The following RNGTT variants were observed in gnomAD, a reference collection of about 807,000 sequenced individuals.
RNGTT encodes RNA guanylyltransferase and 5'-phosphatase.
In RNGTT, 33 loss-of-function variants were observed where a neutral mutation model predicts 79.3. The observed-to-expected ratio is 0.42, with a 90% CI of 0.32 to 0.56. The LOEUF (loss-of-function observed/expected upper bound fraction) is 0.56, where lower values mean the gene tolerates loss of function less well. Among genes scored for constraint, RNGTT ranks in the 20% least tolerant of loss-of-function variants. RNGTT has a pLI of 0.17. For missense variants in RNGTT, 497 were observed against 739.1 expected, an observed-to-expected ratio of 0.67 and a Z score of 3.80; for synonymous variants, 222 against 235.9, an observed-to-expected ratio of 0.94 and a Z score of 0.54.
intron 13 of RNGTT, among the ~76,000 whole-genome samples, chr6:88,708,645 C>T (rs1034384924): frequency 1.3e-5 from 2 of 152,076 alleles, no homozygotes; most frequent in African/African-American, 2.4e-5. Flanking sequence ...GCTCTCTGCC[C>T]GGCAGTGCTG....
chr6:88,941,299 G>A (rs1369322861), intron 1 of RNGTT, 119 bp from the exon 2 acceptor site: 11 of 655,436 alleles, frequency 1.7e-5, no homozygotes, highest in African/African-American at 5.5e-5. Context: ...ACCAAGTGTC[G>A]CTCTGTCCCC....
intron 12 of RNGTT, among the ~76,000 whole-genome samples, chr6:88,775,779 G>A (rs1290249059): frequency 6.6e-6 from 1 of 152,110 alleles, no homozygotes; most frequent in African/African-American, 2.4e-5. Context: ...CCACATGTAA[G>A]TGAAATCACA....
At chr6:88,932,830 C>A (rs559005415) in intron 2 of RNGTT, among the ~76,000 whole-genome samples, 1 of 152,162 alleles carries the variant, frequency 6.6e-6, no homozygotes, top group Non-Finnish European at 1.5e-5. Flanking sequence ...CTTAGAAACG[C>A]ACACCTAAAC....
At chr6:88,878,812 A>G (rs1782601108) in intron 8 of RNGTT, among the ~76,000 whole-genome samples, 1 of 152,208 alleles carries the variant, frequency 6.6e-6, no homozygotes, top group Non-Finnish European at 1.5e-5. Flanking sequence ...CAGTATACAC[A>G]ATACCTAATT....
At chr6:88,666,935 T>C (rs749400186) in intron 14 of RNGTT, among the ~76,000 whole-genome samples, 6 of 152,152 alleles carry the variant, frequency 3.9e-5, no homozygotes, top group Non-Finnish European at 8.8e-5. Flanking sequence ...TGGGGCATTA[T>C]ACAAAGAAAA....
intron 11 of RNGTT, among the ~76,000 whole-genome samples, chr6:88,833,499 C>A (rs193219217): frequency 2.0e-5 from 3 of 152,240 alleles, no homozygotes; most frequent in Admixed American, 2.0e-4. Context: ...TGCAACAAAC[C>A]ACCATGGCAC....
intron 11 of RNGTT, among the ~76,000 whole-genome samples, chr6:88,842,361 A>T (rs1781321956): frequency 6.6e-6 from 1 of 152,168 alleles, no homozygotes; most frequent in Non-Finnish European, 1.5e-5. Context: ...GCTTTTAAAC[A>T]CTAGATCTGG....
At chr6:88,644,621 G>A (rs533453921) in intron 14 of RNGTT, among the ~76,000 whole-genome samples, 5 of 152,134 alleles carry the variant, frequency 3.3e-5, no homozygotes, top group African/African-American at 1.2e-4. Flanking sequence ...CTGGCAAACT[G>A]AATCCAGCAG....
rs9451045 is a variant in RNGTT at position 88,635,895 on chromosome 6, T to G, written c.1507-21500A>C. On this transcript the variant is annotated intron_variant, in intron 14 of 15. Coordinates refer to ENST00000369485, the MANE Select transcript of RNGTT (RefSeq NM_003800.5). ...AAAAATGAGCAGATATATGCTACCA[T>G]GAGATCACAGATAGTGTTTGCTAGT... is the stretch of plus-strand genomic sequence containing the variant. 8.0e-3 allele frequency among the ~76,000 whole-genome samples: 1,208 copies of G among 151,844 alleles called. 8 individuals are homozygous for G. Among genetic ancestry groups the G allele is most frequent in the African/African-American group, 0.027 (1,115 of 41,502 alleles).
intron 8 of RNGTT, among the ~76,000 whole-genome samples, chr6:88,889,140 T>A (rs1189015672): frequency 6.6e-6 from 1 of 152,214 alleles, no homozygotes; most frequent in East Asian, 1.9e-4. Flanking sequence ...CTTTTTTATT[T>A]TCTTCTTTTT....
At chr6:88,888,005 G>T (rs180688534) in intron 8 of RNGTT, among the ~76,000 whole-genome samples, 4 of 152,030 alleles carry the variant, frequency 2.6e-5, no homozygotes, top group Admixed American at 6.6e-5. Context: ...TAATCCCAGC[G>T]ACTCTGGAGG....
At chr6:88,733,277 T>C (rs1777173052) in intron 13 of RNGTT, among the ~76,000 whole-genome samples, 1 of 151,976 alleles carries the variant, frequency 6.6e-6, no homozygotes. Flanking sequence ...GGTGGAAGGA[T>C]TGTTTGAGCC....
At chr6:88,898,786 A>C (rs1198057581) in intron 6 of RNGTT, among the ~76,000 whole-genome samples, 1 of 150,888 alleles carries the variant, frequency 6.6e-6, no homozygotes, top group Non-Finnish European at 1.5e-5. Flanking sequence ...AAAAGTACAG[A>C]GCAAATGGCT....
intron 14 of RNGTT, among the ~76,000 whole-genome samples, chr6:88,659,385 A>G (rs918564425): frequency 1.3e-5 from 2 of 152,238 alleles, no homozygotes; most frequent in African/African-American, 4.8e-5. Flanking sequence ...CAACTTAAAG[A>G]AATTTTTTAA....
At chr6:88,859,402 G>C (rs1374663962) in intron 8 of RNGTT, among the ~76,000 whole-genome samples, 1 of 152,164 alleles carries the variant, frequency 6.6e-6, no homozygotes, top group African/African-American at 2.4e-5. Flanking sequence ...TGACCCGCAG[G>C]ACTAGGGGAA....
chr6:88,960,269 A>G (rs1379097457), intron 1 of RNGTT, among the ~76,000 whole-genome samples: 1 of 152,250 alleles, frequency 6.6e-6, no homozygotes, highest in African/African-American at 2.4e-5. Context: ...TGCTAAATAA[A>G]ATGACTTCAA....
At chr6:88,904,689 C>A (rs1318862917) in intron 6 of RNGTT, 26 bp downstream of exon 6, 30 of 1,550,066 alleles carry the variant, frequency 1.9e-5, no homozygotes, top group South Asian at 4.9e-5. Flanking sequence ...AAAAAAAAAA[C>A]CTATTATAAT....
chr6:88,651,964 T>C (rs1773814816), intron 14 of RNGTT, among the ~76,000 whole-genome samples: 1 of 152,180 alleles, frequency 6.6e-6, no homozygotes, highest in Non-Finnish European at 1.5e-5. Context: ...TATATATACA[T>C]GTAAATAAAA....
At chr6:88,782,764 G>A (rs1006818271) in intron 12 of RNGTT, among the ~76,000 whole-genome samples, 10 of 152,142 alleles carry the variant, frequency 6.6e-5, no homozygotes, top group African/African-American at 2.4e-4. Context: ...AATAAGAAAC[G>A]TAGATGGCCA....
Sources: allele counts gnomAD v4.1 joint callset (sites outside exome capture counted in the v4.1 genomes callset), GRCh38; gene constraint gnomAD v4.1.1; transcripts MANE v1.5; gene names NCBI Gene and HGNC (gene_info 2026-07-23, HGNC 2026-07-21).